BCKDHB: variants seen among roughly 807,000 people sequenced by gnomAD.
BCKDHB encodes the protein branched chain keto acid dehydrogenase E1 subunit beta, also known as 2-oxoisovalerate dehydrogenase subunit beta, mitochondrial.
A neutral mutation model predicts 48.5 loss-of-function variants in BCKDHB; 41 were observed. The observed-to-expected ratio is 0.85, with a 90% CI of 0.66 to 1.10. The LOEUF is 1.10. BCKDHB is among the 50% of genes least tolerant of loss of function. BCKDHB has a pLI of 0.00. For missense variants in BCKDHB, 496 were observed against 494.2 expected, an observed-to-expected ratio of 1.00 and a Z score of -0.03; for synonymous variants, 201 against 174.8, an observed-to-expected ratio of 1.15 and a Z score of -1.18.
chr6:80,300,045 CCA>C (rs1767497944), intron 9 of BCKDHB, among the ~76,000 whole-genome samples: 1 of 151,526 alleles, frequency 6.6e-6, no homozygotes, highest in African/African-American at 2.4e-5. Flanking sequence ...GGAACAAGAG[CCA>C]CTAGTCTTTT....
intron 9 of BCKDHB, among the ~76,000 whole-genome samples, chr6:80,293,445 T>C (rs1767046570): frequency 6.6e-6 from 1 of 152,142 alleles, no homozygotes; most frequent in Non-Finnish European, 1.5e-5. Context: ...CTGGAGTGGC[T>C]AGAATGCAGG....
At chr6:80,301,914 C>T (rs1465968961) in intron 9 of BCKDHB, among the ~76,000 whole-genome samples, 1 of 152,014 alleles carries the variant, frequency 6.6e-6, no homozygotes, top group Non-Finnish European at 1.5e-5. Context: ...TACTGATTAC[C>T]TCAGTAGATG....
chr6:80,395,324 G>T, the BCKDHB span, among the ~76,000 whole-genome samples: 2 of 152,188 alleles, frequency 1.3e-5, no homozygotes, highest in Non-Finnish European at 2.9e-5. Flanking sequence ...TTTGGAACTT[G>T]CTAGAGACTT....
the BCKDHB span, among the ~76,000 whole-genome samples, chr6:80,353,379 T>A: frequency 6.6e-6 from 1 of 152,246 alleles, no homozygotes; most frequent in Non-Finnish European, 1.5e-5. Context: ...CTGATTTCTT[T>A]TCATTTGCAT....
chr6:80,394,560 T>A, the BCKDHB span, among the ~76,000 whole-genome samples: 1 of 152,168 alleles, frequency 6.6e-6, no homozygotes, highest in East Asian at 1.9e-4. Flanking sequence ...CTCATCAACC[T>A]CTCATGATCC....
the BCKDHB span, among the ~76,000 whole-genome samples, chr6:80,406,521 T>C: frequency 1.3e-5 from 2 of 152,242 alleles, no homozygotes; most frequent in Non-Finnish European, 2.9e-5. Context: ...GCATCTGTTG[T>C]TTTCTAACTT....
chr6:80,349,231 T>C (rs1357214273), downstream of BCKDHB, among the ~76,000 whole-genome samples: 1 of 152,226 alleles, frequency 6.6e-6, no homozygotes, highest in Non-Finnish European at 1.5e-5. Context: ...ATAATGGCTT[T>C]TAAATGCTTC....
the BCKDHB span, among the ~76,000 whole-genome samples, chr6:80,438,719 TA>T: frequency 1.3e-5 from 2 of 152,224 alleles, no homozygotes; most frequent in African/African-American, 4.8e-5. Context: ...ACTGAAAATT[TA>T]AAAGCACACA....
downstream of BCKDHB, among the ~76,000 whole-genome samples, chr6:80,347,039 G>T (rs1019442308): frequency 6.6e-6 from 1 of 151,632 alleles, no homozygotes; most frequent in Non-Finnish European, 1.5e-5. Context: ...AACTACAATT[G>T]TATGTGTCCC....
chr6:80,359,754 C>A, the BCKDHB span, among the ~76,000 whole-genome samples: 2 of 152,098 alleles, frequency 1.3e-5, no homozygotes, highest in African/African-American at 4.8e-5. Flanking sequence ...GCCACCACGC[C>A]TGGCTAATTT....
the BCKDHB span, among the ~76,000 whole-genome samples, chr6:80,391,518 T>A: frequency 6.6e-6 from 1 of 152,116 alleles, no homozygotes; most frequent in South Asian, 2.1e-4. Flanking sequence ...TTGCCAATAG[T>A]CACCAGAAAC....
chr6:80,303,313 G>A, intron 9 of BCKDHB, among the ~76,000 whole-genome samples: 1 of 152,060 alleles, frequency 6.6e-6, no homozygotes, highest in Non-Finnish European at 1.5e-5. Flanking sequence ...GATGGAGAAA[G>A]AAAGTTTTTT....
At chr6:80,220,734 C>CTTTTTTTT (rs67235328) in intron 8 of BCKDHB, among the ~76,000 whole-genome samples, 3 of 121,952 alleles carry the variant, frequency 2.5e-5, no homozygotes, top group African/African-American at 6.0e-5. Context: ...TTTTCTTTTT[C>CTTTTTTTT]TTTTTTTTTT....
the BCKDHB span, among the ~76,000 whole-genome samples, chr6:80,394,926 T>C: frequency 4.9e-3 from 743 of 152,276 alleles, 4 homozygotes; most frequent in Non-Finnish European, 6.7e-3. Context: ...TCTGATGGTT[T>C]TATAAGGAGC....
At chr6:80,373,874 T>C in the BCKDHB span, 1 of 369,950 alleles carries the variant, frequency 2.7e-6, no homozygotes, top group Non-Finnish European at 5.2e-6. Context: ...TTTCTACCCC[T>C]TTACCTTAAG....
chr6:80,206,152 C>T (rs981462541), intron 8 of BCKDHB, among the ~76,000 whole-genome samples: 1 of 152,104 alleles, frequency 6.6e-6, no homozygotes, highest in African/African-American at 2.4e-5. Flanking sequence ...ACCCATCATA[C>T]TCTCAATTGA....
Position 80,241,621 on chromosome 6 carries a change from T to A in BCKDHB, c.952-31514T>A, listed in dbSNP as rs543762030. Among the ~76,000 whole-genome samples, 412 of 152,342 alleles carry A rather than the reference T, an allele frequency of 2.7e-3. 2 individuals are homozygous for A. Among genetic ancestry groups the A allele is most frequent in the African/African-American group, 9.2e-3 (381 of 41,570 alleles). On this transcript the variant is annotated intron_variant, in intron 8 of 9. Coordinates refer to ENST00000320393, the MANE Select transcript of BCKDHB (RefSeq NM_183050.4). ...CAAATATTGCAGAACAGCAATTTTT[T>A]ATACATATTTCTTTATGTATATAGG...
At chr6:80,374,834 G>A in the BCKDHB span, among the ~76,000 whole-genome samples, 1 of 152,108 alleles carries the variant, frequency 6.6e-6, no homozygotes, top group Non-Finnish European at 1.5e-5. Context: ...AGTACTTGTA[G>A]TACTAGCTTG....
downstream of BCKDHB, among the ~76,000 whole-genome samples, chr6:80,350,201 C>G: frequency 6.6e-6 from 1 of 151,990 alleles, no homozygotes; most frequent in South Asian, 2.1e-4. Flanking sequence ...AATATGAGAT[C>G]ACTGATGTGC....
Sources: gnomAD v4.1 joint callset for allele counts (sites outside exome capture counted in the v4.1 genomes callset) on GRCh38, gnomAD v4.1.1 for gene constraint, MANE v1.5 for transcripts, NCBI Gene and HGNC (gene_info 2026-07-23, HGNC 2026-07-21) for gene names.